The following LAMA5 variants were observed in gnomAD, a reference collection of about 807,000 sequenced individuals.
LAMA5 encodes laminin subunit alpha 5.
In LAMA5, 260 loss-of-function variants were observed where a neutral mutation model predicts 433.4. That is an observed-to-expected ratio of 0.60 (90% confidence interval 0.54 to 0.66). LAMA5 has a LOEUF of 0.66. Ranked by LOEUF, LAMA5 falls within the 30% of genes least tolerant of loss-of-function variation. The probability of loss-of-function intolerance (pLI) is 0.00; values close to 1 mark genes in which losing one functional copy is unlikely to be tolerated. For missense variants in LAMA5, 5,378 were observed against 5,258.5 expected (o/e 1.02, Z -0.70); for synonymous variants, 2,620 against 2,226.6 (o/e 1.18, Z -4.97).
intron 40 of LAMA5, 35 bp downstream of exon 40, chr20:62,326,642 T>C (rs1794768048): frequency 4.5e-6 from 7 of 1,569,236 alleles, no homozygotes; most frequent in Non-Finnish European, 6.1e-6. Flanking sequence ...CTGAGGTCCA[T>C]GAGGGACCTG....
In LAMA5 at chr20:62,329,030, G is replaced by A. The variant is rs1488425504; in HGVS notation, c.4261C>T (p.Arg1421Ter). 3.1e-6 allele frequency: 5 copies of A among 1,612,532 alleles called. No homozygotes were observed. Among genetic ancestry groups the A allele is most frequent in the Non-Finnish European group, 4.2e-6 (5 of 1,179,880 alleles). ...AGGGAGAGGGAAGCAGCAGCGTTTC[G>A]GCAGAACAGGGATGAGCTGCTGGGG... ...ISPSSSSLFC[R>*]NAAASLSLFY... Residue 1421 changes from arginine to a stop codon, truncating the protein, a stop_gained, in exon 34 of 80, where the codon CGA becomes TGA. Transcript: ENST00000252999. LOFTEE classifies it high-confidence loss of function.
At position 62,341,373 on chromosome 20, in the gene LAMA5, A is replaced by G. The variant is rs572445302; in HGVS notation, c.1478-2765T>C. On this transcript the variant is annotated intron_variant, in intron 11 of 79. Transcript: ENST00000252999. ...AAGGTATACTCTGAGGAAAATTTATAGCTTTAAACTAGAGTTTCCCAGCCT... is the reference window on the plus strand; with the variant it reads ...AAGGTATACTCTGAGGAAAATTTATGGCTTTAAACTAGAGTTTCCCAGCCT... Among the ~76,000 whole-genome samples the G allele has an allele frequency of 2.6e-5, 4 of 152,342 alleles. No individual in the cohort carries two copies. The East Asian group carries it at 7.7e-4, about 29-fold the overall frequency.
Position 62,334,350 on chromosome 20 carries a change from C to G in LAMA5, c.2583-8G>C. ...TAGTGGTCCCTCGCAGGCCTGGCCA[C>G]AGCAGGGGCTGGTCAGGTGCAGCTT... On this transcript the variant is annotated splice_region_variant and splice_polypyrimidine_tract_variant and intron_variant, in intron 21 of 79. Transcript: ENST00000252999. 1 of 1,590,596 alleles carries G rather than the reference C, an allele frequency of 6.3e-7. No individual in the cohort carries two copies. Among genetic ancestry groups the G allele is most frequent in the South Asian group, 1.1e-5 (1 of 88,004 alleles).
chr20:62,357,038 TG>T (rs1568983767), intron 2 of LAMA5, among the ~76,000 whole-genome samples: 1 of 152,056 alleles, frequency 6.6e-6, no homozygotes, highest in South Asian at 2.1e-4. Context: ...GGGGATGGCG[TG>T]GGGTTGTTGG....
chr20:62,312,344 GC>G (rs1986373831), intron 68 of LAMA5, 28 bp from the exon 69 acceptor site: 1 of 1,603,972 alleles, frequency 6.2e-7, no homozygotes, highest in Admixed American at 1.7e-5. Context: ...CTGAGTGCCC[GC>G]GGGTGCCCCT....
In LAMA5 at chr20:62,312,761, C is replaced by T. The variant is rs1986454539; in HGVS notation, c.9098G>A (p.Gly3033Glu). ...CACCAGCACACGCTTGCGGCTGCCC[C>T]CCAGCAGGAACACCTGGATCTACAG... ...ASKAIQVFLL[G>E]GSRKRVLVRV... The change falls in exon 67 of 80, where the codon GGG becomes GAG. Residue 3033 changes from glycine to glutamate, a missense_variant. By Grantham distance (98) the Gly-to-Glu change is moderately conservative (BLOSUM62 -2). Transcript: ENST00000252999. 11 of 1,590,078 alleles carry T rather than the reference C, an allele frequency of 6.9e-6. No individual in the cohort carries two copies. In the East Asian group the frequency reaches 9.3e-5, roughly 13 times the overall value.
intron 16 of LAMA5, 148 bp from the exon 17 acceptor site, chr20:62,336,934 G>A (rs773990095): frequency 9.4e-6 from 7 of 748,456 alleles, no homozygotes; most frequent in African/African-American, 5.2e-5. Flanking sequence ...CTGAAAACAC[G>A]CACCTCCCTG....
rs750223325 is a variant in LAMA5, at chr20:62,322,375, C to T, written c.6240G>A (p.Glu2080=). 20 of 1,590,600 alleles carry T rather than the reference C, an allele frequency of 1.3e-5. No individual in the cohort carries two copies. Among genetic ancestry groups the T allele is most frequent in the Non-Finnish European group, 1.7e-5 (20 of 1,170,232 alleles). The change falls in exon 47 of 80, where the codon GAG becomes GAA. Residue 2080 remains glutamate (E), a synonymous_variant. Coordinates refer to ENST00000252999, the MANE Select transcript of LAMA5 (RefSeq NM_005560.6). The stretch of plus-strand genomic sequence containing the variant: ...GGCACTGTCCGCTCTGGGGGTGGCA[C>T]TCGGAGCCCTCGGCGGCCGGTCCAC... ...CACGPAAEGS[E]CHPQSGQCHC...
Position 62,311,502 on chromosome 20 carries a change from G to C in LAMA5, c.9841C>G (p.Gln3281Glu). Residue 3281 changes from glutamine (Q) to glutamate (E), a missense_variant, in exon 72 of 80, where the codon CAG (glutamine) becomes GAG (glutamate). Transcript: ENST00000252999. ...LGPQRVFDLQ[Q>E]NLGSVNVSTG... The stretch of plus-strand genomic sequence containing the variant: ...CTCACATTGACGCTGCCCAGGTTCT[G>C]CTGCAGATCAAATACGCGCTGTGGG... The C allele has an allele frequency of 6.2e-7, 1 of 1,611,216 alleles. No individual in the cohort carries two copies. Among genetic ancestry groups the C allele is most frequent in the Non-Finnish European group, 8.5e-7 (1 of 1,179,140 alleles).
In LAMA5 at chr20:62,310,152, T is replaced by C. The variant is rs1381824578; in HGVS notation, c.10734+26A>G. ...CAGAATGGGGAGGCAAACCCTGCCC[T>C]GGCACGCCACCTCTGCCAGGCTTAC... On this transcript the variant is annotated intron_variant, in intron 77 of 79. Transcript: ENST00000252999. 6.2e-6 allele frequency: 10 copies of C among 1,611,850 alleles called. No individual in the cohort carries two copies. The South Asian group carries it at 9.9e-5, about 16-fold the overall frequency.
intron 2 of LAMA5, among the ~76,000 whole-genome samples, chr20:62,358,166 G>T (rs1985515377): frequency 6.6e-6 from 1 of 151,404 alleles, no homozygotes; most frequent in African/African-American, 2.4e-5. Flanking sequence ...CAGCCACCAA[G>T]GGCAAGCATG....
chr20:62,322,613 T>G (rs1470349922), intron 46 of LAMA5, 45 bp downstream of exon 46: 1 of 1,452,732 alleles, frequency 6.9e-7, no homozygotes, highest in South Asian at 1.2e-5. Flanking sequence ...CCAACTCTAG[T>G]CCCTAGGCCC....
chr20:62,357,327 C>T (rs1207017079), intron 2 of LAMA5, among the ~76,000 whole-genome samples: 1 of 152,194 alleles, frequency 6.6e-6, no homozygotes, highest in Non-Finnish European at 1.5e-5. Flanking sequence ...AAAGCCCCTC[C>T]TAGCCCCAGG....
chr20:62,323,838 GAC>G lies in LAMA5; in HGVS notation c.5785_5786del (p.Val1929ProfsTer47). On this transcript the variant is annotated frameshift_variant, in exon 44 of 80. Coordinates refer to ENST00000252999, the MANE Select transcript of LAMA5 (RefSeq NM_005560.6). LOFTEE classifies it high-confidence loss of function. ...VPSNNFAEGC[V>X]LRGGRTQCLC... Reference sequence around the variant, plus strand: ...GGCACTGGGTGCGGCCGCCTCGCAGGACACAGCCCTCGGCGAAGCTGCAAAGA... The same window carrying G: ...GGCACTGGGTGCGGCCGCCTCGCAGGACAGCCCTCGGCGAAGCTGCAAAGA... 1.2e-6 allele frequency: 2 copies of G among 1,609,066 alleles called. No individual in the cohort carries two copies. The highest frequency in any genetic ancestry group is 1.7e-6 in the Non-Finnish European group (2 of 1,178,152).
rs1302486372 is a variant in LAMA5 at position 62,312,805 on chromosome 20, G to A, written c.9079-25C>T. 15 of 1,597,946 alleles carry A rather than the reference G, an allele frequency of 9.4e-6. No homozygotes were observed. The African/African-American group carries it at 1.1e-4, about 11-fold the overall frequency. ...TCTACAGGACCAGTGGGGGCTCCAGGGCCAGCTGTGTCCCTGCGGCCTGCC... is the reference window on the plus strand; with the variant it reads ...TCTACAGGACCAGTGGGGGCTCCAGAGCCAGCTGTGTCCCTGCGGCCTGCC... On this transcript the variant is annotated intron_variant, in intron 66 of 79. Coordinates refer to ENST00000252999, the MANE Select transcript of LAMA5 (RefSeq NM_005560.6).
At chr20:62,331,487 C>T (rs577883884) in intron 28 of LAMA5, among the ~76,000 whole-genome samples, 18 of 152,198 alleles carry the variant, frequency 1.2e-4, no homozygotes, top group African/African-American at 3.6e-4. Flanking sequence ...CAGGCCTATG[C>T]GGCTCCTCCC....
chr20:62,327,371 A>G lies in LAMA5; in HGVS notation c.4974T>C (p.Thr1658=). 1.9e-6 allele frequency: 3 copies of G among 1,594,872 alleles called. No homozygotes were observed. The highest frequency in any genetic ancestry group is 2.6e-6 in the Non-Finnish European group (3 of 1,170,222). ...GCTCGTGGGGCACCACCTGCCGGTC[A>G]GTGCTCAGCAGCACCCATCCCTCCA... ...VDMEGWVLLS[T]DRQVVPHERQ... Residue 1658 remains threonine, a synonymous_variant, in exon 38 of 80, where the codon ACT becomes ACC. Coordinates refer to ENST00000252999, the MANE Select transcript of LAMA5 (RefSeq NM_005560.6).
Position 62,317,464 on chromosome 20 carries a change from A to G in LAMA5, c.7392T>C (p.Ala2464=). Reference sequence around the variant, plus strand: ...GCATCCTCTGCAGCAGTGGGGTCCGAGCCCCATCCAGGCTGGCGGCGAGGC... The same window carrying G: ...GCATCCTCTGCAGCAGTGGGGTCCGGGCCCCATCCAGGCTGGCGGCGAGGC... ...LERLAASLDG[A]RTPLLQRMQT... Residue 2464 remains alanine (A), a synonymous_variant, in exon 55 of 80, where the codon GCT becomes GCC. Transcript: ENST00000252999. The G allele has an allele frequency of 6.3e-7, 1 of 1,575,794 alleles. No individual in the cohort carries two copies. The highest frequency in any genetic ancestry group is 8.6e-7 in the Non-Finnish European group (1 of 1,158,618).
intron 74 of LAMA5, 34 bp from the exon 75 acceptor site, chr20:62,310,863 C>G: frequency 6.2e-7 from 1 of 1,600,800 alleles, no homozygotes; most frequent in Non-Finnish European, 8.5e-7. Context: ...GTAGGGCTGC[C>G]AGGCCCTGCC....
Sources: gnomAD v4.1 joint callset for allele counts (sites outside exome capture counted in the v4.1 genomes callset) on GRCh38, gnomAD v4.1.1 for gene constraint, MANE v1.5 for transcripts, NCBI Gene and HGNC (gene_info 2026-07-23, HGNC 2026-07-21) for gene names.